The following SMAP1 variants were observed in gnomAD, a reference collection of about 807,000 sequenced individuals.
SMAP1 encodes small ArfGAP 1.
SMAP1 carries 24 observed loss-of-function variants against 58.5 expected under a neutral mutation model. The observed-to-expected ratio is 0.41, with a 90% CI of 0.30 to 0.58. The LOEUF (loss-of-function observed/expected upper bound fraction) is 0.58. Ranked by LOEUF, SMAP1 falls within the 20% of genes least tolerant of loss-of-function variation. The probability of loss-of-function intolerance (pLI) is 0.29; values close to 1 mark genes in which losing one functional copy is unlikely to be tolerated. For synonymous variants in SMAP1, 216 were observed against 196.6 expected (o/e 1.10, Z -0.82); for missense variants, 563 against 566.3 (o/e 0.99, Z 0.06).
chr6:70,680,295 A>G (rs1766647027), intron 1 of SMAP1, among the ~76,000 whole-genome samples: 1 of 152,234 alleles, frequency 6.6e-6, no homozygotes, highest in East Asian at 1.9e-4. Flanking sequence ...ATTCTTGGAT[A>G]GGACACAAAA....
chr6:70,700,189 C>T (rs1767569865), intron 1 of SMAP1, among the ~76,000 whole-genome samples: 1 of 152,194 alleles, frequency 6.6e-6, no homozygotes. Flanking sequence ...CGCCATATGG[C>T]CTGCAAGCAC....
chr6:70,817,263 T>G (rs4707856), intron 6 of SMAP1, among the ~76,000 whole-genome samples: 65,805 of 151,714 alleles, frequency 0.43, 14,673 homozygotes, highest in South Asian at 0.5. Context: ...AGGACCTTTA[T>G]TGCTTTAGTA....
In SMAP1 at chr6:70,759,688, G is replaced by C. The variant is rs905352137; in HGVS notation, c.338+4623G>C. 1.0e-4 allele frequency: 28 copies of C among 278,362 alleles called. No individual in the cohort carries two copies. In the Admixed American group the frequency reaches 1.0e-3, roughly 10 times the overall value. The allele number at this position is 278,362 out of a possible 1,614,324, so 17.2% of individuals were successfully genotyped here. A position where few individuals can be genotyped will look rare whatever the true frequency, so the allele number is the denominator to read the frequency against. On this transcript the variant is annotated intron_variant, in intron 3 of 10. Transcript: ENST00000370455. Reference sequence around the variant, plus strand: ...CCTTAGAGAGCTAAAGTGCTAATGAGATATTGCATTATTAGTTCTGTTATC... The same window carrying C: ...CCTTAGAGAGCTAAAGTGCTAATGACATATTGCATTATTAGTTCTGTTATC...
intron 1 of SMAP1, among the ~76,000 whole-genome samples, chr6:70,684,672 A>G (rs1464685957): frequency 1.3e-5 from 2 of 151,788 alleles, no homozygotes; most frequent in East Asian, 3.9e-4. Context: ...GAACTTTCTA[A>G]GTTTTTCAGT....
At chr6:70,699,382 G>C (rs1210535289) in intron 1 of SMAP1, among the ~76,000 whole-genome samples, 1 of 152,088 alleles carries the variant, frequency 6.6e-6, no homozygotes, top group African/African-American at 2.4e-5. Flanking sequence ...TCTTACCCGG[G>C]ACCTGTGGCG....
chr6:70,729,449 AAAAAG>A (rs1490011486), intron 1 of SMAP1, among the ~76,000 whole-genome samples: 1 of 95,060 alleles, frequency 1.1e-5, no homozygotes, highest in Non-Finnish European at 2.4e-5. Flanking sequence ...AAAAAAAAAA[AAAAAG>A]AAGGTTGTGT....
chr6:70,802,541 T>C lies in SMAP1; in HGVS notation c.576+3804T>C, dbSNP rs9446298. ...TTGCTCTGGCCAGAACTTCCAACAC[T>C]GTTGAATAGGAGTGGTGAGAGAGGG... On this transcript the variant is annotated intron_variant, in intron 6 of 10. Coordinates refer to ENST00000370455, the MANE Select transcript of SMAP1 (RefSeq NM_001044305.3). 6.4e-3 allele frequency among the ~76,000 whole-genome samples: 957 copies of C among 150,082 alleles called. 6 individuals are homozygous for C. The highest frequency in any genetic ancestry group is 0.022 in the African/African-American group (915 of 41,344).
At chr6:70,670,018 A>T (rs1250051567) in intron 1 of SMAP1, among the ~76,000 whole-genome samples, 1 of 151,720 alleles carries the variant, frequency 6.6e-6, no homozygotes, top group Non-Finnish European at 1.5e-5. Flanking sequence ...TTAAATTAGG[A>T]TCAAAAGTTT....
chr6:70,814,478 A>C (rs921721235), intron 6 of SMAP1, among the ~76,000 whole-genome samples: 1 of 152,090 alleles, frequency 6.6e-6, no homozygotes, highest in African/African-American at 2.4e-5. Context: ...TGCTCTCAAG[A>C]CCTTTCATCA....
chr6:70,781,044 C>T (rs1007342351), intron 4 of SMAP1, among the ~76,000 whole-genome samples: 3 of 152,132 alleles, frequency 2.0e-5, no homozygotes, highest in Non-Finnish European at 4.4e-5. Flanking sequence ...AAAATGAATA[C>T]TCAAACTTAA....
chr6:70,715,844 G>A (rs1582050440), intron 1 of SMAP1, among the ~76,000 whole-genome samples: 1 of 151,928 alleles, frequency 6.6e-6, no homozygotes, highest in Non-Finnish European at 1.5e-5. Context: ...GTCATCACTC[G>A]AGCACTAAAC....
At chr6:70,675,650 CAAAAAAA>C (rs571061801) in intron 1 of SMAP1, among the ~76,000 whole-genome samples, 1 of 82,490 alleles carries the variant, frequency 1.2e-5, no homozygotes, top group Non-Finnish European at 2.5e-5. Flanking sequence ...GACTCCATCT[CAAAAAAA>C]AAAAAAAAAG....
intron 2 of SMAP1, among the ~76,000 whole-genome samples, chr6:70,748,871 A>AT (rs1291855881): frequency 2.0e-5 from 3 of 151,770 alleles, no homozygotes; most frequent in East Asian, 1.9e-4. Context: ...TTCCTCACAT[A>AT]TTTTATGCAT....
Position 70,861,553 on chromosome 6 carries a change from T to C in SMAP1, c.*1219T>C. On this transcript the variant is annotated 3_prime_UTR_variant, in exon 11 of 11. Coordinates refer to ENST00000370455, the MANE Select transcript of SMAP1 (RefSeq NM_001044305.3). ...TCCATCAGATGACAAGAAAGGCTGC[T>C]GTACTGAAGTAAAACAAACAATACC... 1.1e-6 allele frequency: 1 copy of C among 920,798 alleles called. No individual in the cohort carries two copies. The allele number at this position is 920,798 out of a possible 1,614,324, so 57.0% of individuals were successfully genotyped here.
At chr6:70,786,551 A>G (rs1768039987) in intron 4 of SMAP1, among the ~76,000 whole-genome samples, 1 of 150,388 alleles carries the variant, frequency 6.6e-6, no homozygotes, top group African/African-American at 2.5e-5. Context: ...ATATCTAGAA[A>G]ACCCCATCGT....
intron 6 of SMAP1, among the ~76,000 whole-genome samples, chr6:70,824,859 C>G (rs920946047): frequency 4.6e-5 from 7 of 152,186 alleles, no homozygotes; most frequent in Non-Finnish European, 1.0e-4. Context: ...TGTTGGCTAA[C>G]ACAGGGAAGT....
At chr6:70,729,911 C>G (rs961970792) in intron 1 of SMAP1, among the ~76,000 whole-genome samples, 2 of 152,172 alleles carry the variant, frequency 1.3e-5, no homozygotes, top group Non-Finnish European at 2.9e-5. Context: ...TCACTGGGAA[C>G]TTGTTAGAAT....
At position 70,861,684 on chromosome 6, in the gene SMAP1, G is replaced by A. The variant is rs1771735812; in HGVS notation, c.*1350G>A. 7 of 1,614,004 alleles carry A rather than the reference G, an allele frequency of 4.3e-6. No homozygotes were observed. The highest frequency in any genetic ancestry group is 5.9e-6 in the Non-Finnish European group (7 of 1,179,950). ...CAATTTATACCTCAATTTTCACTGTGTCCAGGTGGTACTTTGGCTCGTTGG... is the reference window on the plus strand; with the variant it reads ...CAATTTATACCTCAATTTTCACTGTATCCAGGTGGTACTTTGGCTCGTTGG... On this transcript the variant is annotated 3_prime_UTR_variant, in exon 11 of 11. Transcript: ENST00000370455.
At position 70,831,775 on chromosome 6, in the gene SMAP1, A is replaced by G. The variant is rs188610145; in HGVS notation, c.577-5166A>G. On this transcript the variant is annotated intron_variant, in intron 6 of 10. Coordinates refer to ENST00000370455, the MANE Select transcript of SMAP1 (RefSeq NM_001044305.3). Reference sequence around the variant, plus strand: ...TAGAACAATTTTTATTCTCTTGGGCATATACCCAATGATAGGATTGTTGGG... The same window carrying G: ...TAGAACAATTTTTATTCTCTTGGGCGTATACCCAATGATAGGATTGTTGGG... 4.5e-4 allele frequency among the ~76,000 whole-genome samples: 69 copies of G among 152,304 alleles called. 1 individual carries two copies. The highest frequency in any genetic ancestry group is 3.8e-3 in the Admixed American group (58 of 15,292).
Sources: allele counts gnomAD v4.1 joint callset (sites outside exome capture counted in the v4.1 genomes callset), GRCh38; gene constraint gnomAD v4.1.1; transcripts MANE v1.5; gene names NCBI Gene and HGNC (gene_info 2026-07-23, HGNC 2026-07-21).